LHFPL5: variants seen among roughly 807,000 people sequenced by gnomAD.
LHFPL5 encodes LHFPL tetraspan subfamily member 5.
In LHFPL5, 12 loss-of-function variants were observed where a neutral mutation model predicts 18.7. The ratio of observed to expected loss-of-function variants is 0.64; its 90% confidence interval spans 0.41 to 1.04. The LOEUF (loss-of-function observed/expected upper bound fraction) is 1.04, where lower values mean the gene tolerates loss of function less well. Among genes scored for constraint, LHFPL5 ranks in the 50% least tolerant of loss-of-function variants. The pLI is 0.00. For missense variants in LHFPL5, 259 were observed against 292.1 expected (o/e 0.89, Z 0.83); for synonymous variants, 111 against 120.2 (o/e 0.92, Z 0.50).
At chr6:35,806,701 C>G (rs954482833) in intron 1 of LHFPL5, among the ~76,000 whole-genome samples, 5 of 152,170 alleles carry the variant, frequency 3.3e-5, no homozygotes, top group Non-Finnish European at 7.3e-5. Context: ...CATCTAAATT[C>G]CCCTCTTTCA....
In LHFPL5 at chr6:35,816,362, G is replaced by A. The variant is rs372200610; in HGVS notation, c.649+1580G>A. Among the ~76,000 whole-genome samples, 396 of 127,210 alleles carry A rather than the reference G, an allele frequency of 3.1e-3. 1 individual carries two copies. The highest frequency in any genetic ancestry group is 0.01 in the African/African-American group (341 of 33,326). 83.5% of individuals were successfully genotyped at this position (127,210 alleles called of 152,430 possible). ...CTCCGTCTCAAAAAAAAAAAAAAAA[G>A]AAAAAAAAAGAAAAAGAAAACAAAT... On this transcript the variant is annotated intron_variant, in intron 2 of 3. Coordinates refer to ENST00000360215, the MANE Select transcript of LHFPL5 (RefSeq NM_182548.4).
chr6:35,808,199 C>T (rs112602906), intron 1 of LHFPL5, among the ~76,000 whole-genome samples: 3,186 of 151,734 alleles, frequency 0.021, 113 homozygotes, highest in African/African-American at 0.072. Context: ...GCCTGTAGTC[C>T]TAGCACTTTG....
rs537557450 is a variant in LHFPL5, at chr6:35,819,727, G to T, written c.*16+264G>T. ...AATTTCGCTCTTGTTGCCCAAGCTG[G>T]AGTGCAATGGTGCGATCTCGGCTCA... On this transcript the variant is annotated intron_variant, in intron 3 of 3. Coordinates refer to ENST00000360215, the MANE Select transcript of LHFPL5 (RefSeq NM_182548.4). 1.9e-5 allele frequency: 10 copies of T among 517,970 alleles called. No homozygotes were observed. In the East Asian group the frequency reaches 3.1e-4, roughly 16 times the overall value. The allele number at this position is 517,970 out of a possible 1,614,324, so 32.1% of individuals were successfully genotyped here.
At chr6:35,809,072 G>T (rs1022391556) in intron 1 of LHFPL5, among the ~76,000 whole-genome samples, 1 of 152,138 alleles carries the variant, frequency 6.6e-6, no homozygotes, top group Non-Finnish European at 1.5e-5. Flanking sequence ...GGAACAGGGA[G>T]GGGGCAGGGG....
rs950962130 is a variant in LHFPL5 at position 35,805,495 on chromosome 6, G to C, written c.-176G>C. 25 of 639,216 alleles carry C rather than the reference G, an allele frequency of 3.9e-5. No individual in the cohort carries two copies. In the African/African-American group the frequency reaches 4.5e-4, roughly 12 times the overall value. The allele number at this position is 639,216 out of a possible 1,614,324, so 39.6% of individuals were successfully genotyped here. On this transcript the variant is annotated 5_prime_UTR_variant, in exon 1 of 4. Transcript: ENST00000360215. The surrounding 1 kb of genome is among the most constrained non-coding windows in gnomAD (Gnocchi z 4.3). ...GGCAAGCTTTCCTTGACCAAATCAA[G>C]GTTGTCCTTGTCCTATTAAGCCTCT...
At position 35,805,594 on chromosome 6, in the gene LHFPL5, C is replaced by A; in HGVS notation, c.-77C>A. ...TCCCCAAACCCCGCTGGGGAGTGAC[C>A]TGCTTCTAGGCCTCCATCCACAAAG... is the stretch of plus-strand genomic sequence containing the variant. On this transcript the variant is annotated 5_prime_UTR_variant, in exon 1 of 4. The change creates a new upstream start codon in the 5' untranslated region. Transcript: ENST00000360215. The surrounding 1 kb of genome is among the most constrained non-coding windows in gnomAD (Gnocchi z 4.3). 8 of 1,532,370 alleles carry A rather than the reference C, an allele frequency of 5.2e-6. No homozygotes were observed. Among genetic ancestry groups the A allele is most frequent in the Non-Finnish European group, 7.2e-6 (8 of 1,111,912 alleles). The allele number at this position is 1,532,370 out of a possible 1,614,324, so 94.9% of individuals were successfully genotyped here. A position where few individuals can be genotyped will look rare whatever the true frequency, so the allele number is the denominator to read the frequency against.
intron 1 of LHFPL5, among the ~76,000 whole-genome samples, chr6:35,810,179 C>T (rs986857888): frequency 2.6e-5 from 4 of 152,164 alleles, no homozygotes; most frequent in African/African-American, 9.7e-5. Flanking sequence ...ATAAGGGTTC[C>T]AATCCCATTC....
Position 35,811,607 on chromosome 6 carries a change from C to T in LHFPL5, c.413-2939C>T, listed in dbSNP as rs769420947. Among the ~76,000 whole-genome samples, 22 of 152,248 alleles carry T rather than the reference C, an allele frequency of 1.4e-4. 1 individual carries two copies. Among genetic ancestry groups the T allele is most frequent in the Non-Finnish European group, 5.9e-5 (4 of 68,014 alleles). On this transcript the variant is annotated intron_variant, in intron 1 of 3. Transcript: ENST00000360215. ...AGGTCAGAGGCCCTGGGCTTTTTTC[C>T]GGAGCCCCCACAGGAAGATGGTGCA...
intron 2 of LHFPL5, among the ~76,000 whole-genome samples, chr6:35,819,052 C>T (rs868298837): frequency 2.0e-5 from 3 of 152,092 alleles, no homozygotes; most frequent in Non-Finnish European, 4.4e-5. Context: ...AGACTGGTCT[C>T]GAACTCCTGG....
At chr6:35,808,837 G>C (rs1196344335) in intron 1 of LHFPL5, among the ~76,000 whole-genome samples, 4 of 151,836 alleles carry the variant, frequency 2.6e-5, no homozygotes, top group Non-Finnish European at 5.9e-5. Context: ...GGCCATCTGA[G>C]TCAGACACTA....
chr6:35,822,691 G>A (rs1768888089), intron 3 of LHFPL5, among the ~76,000 whole-genome samples: 1 of 151,916 alleles, frequency 6.6e-6, no homozygotes, highest in Non-Finnish European at 1.5e-5. Context: ...GTATTTTTAG[G>A]AGGGACAGGA....
Position 35,823,843 on chromosome 6 carries a change from A to G in LHFPL5, c.*878A>G, listed in dbSNP as rs1768924499. 6.7e-6 allele frequency: 1 copy of G among 148,618 alleles called. No individual in the cohort carries two copies. Among genetic ancestry groups the G allele is most frequent in the South Asian group, 2.2e-4 (1 of 4,520 alleles). The allele number at this position is 148,618 out of a possible 1,614,324, so 9.2% of individuals were successfully genotyped here. Reference sequence around the variant, plus strand: ...GTTACTTATGTTCAAGTAATTTGTTATAGGAATAGATGACATTTTTTTTTT... The same window carrying G: ...GTTACTTATGTTCAAGTAATTTGTTGTAGGAATAGATGACATTTTTTTTTT... On this transcript the variant is annotated 3_prime_UTR_variant, in exon 4 of 4. Coordinates refer to ENST00000360215, the MANE Select transcript of LHFPL5 (RefSeq NM_182548.4).
At position 35,805,404 on chromosome 6, in the gene LHFPL5, C is replaced by A; in HGVS notation, c.-267C>A. The stretch of plus-strand genomic sequence containing the variant: ...AGACGGGCAGGGCGGCGCCAGCAGG[C>A]CCTGGTGGGCTTGGGAGGAGGCAGG... On this transcript the variant is annotated 5_prime_UTR_variant, in exon 1 of 4. Coordinates refer to ENST00000360215, the MANE Select transcript of LHFPL5 (RefSeq NM_182548.4). This position sits in a 1 kb window ranked among gnomAD's most constrained non-coding sequence, Gnocchi z 4.3. The A allele has an allele frequency of 2.0e-6, 1 of 491,196 alleles. No homozygotes were observed. Among genetic ancestry groups the A allele is most frequent in the Non-Finnish European group, 3.7e-6 (1 of 269,544 alleles). The allele number at this position is 491,196 out of a possible 1,614,324, so 30.4% of individuals were successfully genotyped here.
rs750114712 is a variant in LHFPL5 at position 35,814,510 on chromosome 6, G to A, written c.413-36G>A. The A allele has an allele frequency of 4.0e-5, 61 of 1,515,560 alleles. No homozygotes were observed. The East Asian group carries it at 1.1e-3, about 28-fold the overall frequency. 93.9% of individuals were successfully genotyped at this position (1,515,560 alleles called of 1,614,324 possible). ...GGGAGGTAGCGGGCTAGGCACACTC[G>A]GCCTGATGCCATGTGCACCCCTCCT... On this transcript the variant is annotated intron_variant, in intron 1 of 3. Transcript: ENST00000360215. This position sits in a 1 kb window ranked among gnomAD's most constrained non-coding sequence, Gnocchi z 4.2.
chr6:35,819,875 C>T (rs893147808), intron 3 of LHFPL5: 17 of 271,344 alleles, frequency 6.3e-5, no homozygotes, highest in Non-Finnish European at 1.1e-4. Flanking sequence ...AGCGGGGTTT[C>T]ACCGTGTTAG....
At chr6:35,810,152 C>G (rs955184833) in intron 1 of LHFPL5, among the ~76,000 whole-genome samples, 1 of 152,172 alleles carries the variant, frequency 6.6e-6, no homozygotes, top group Non-Finnish European at 1.5e-5. Context: ...CCCCCGCTCC[C>G]CTCTGGGGTC....
intron 1 of LHFPL5, among the ~76,000 whole-genome samples, chr6:35,808,023 C>A (rs570863123): frequency 3.9e-5 from 6 of 152,264 alleles, no homozygotes; most frequent in South Asian, 2.1e-4. Flanking sequence ...TGCACCCAGG[C>A]TACTCACATG....
At position 35,814,589 on chromosome 6, in the gene LHFPL5, G is replaced by C; in HGVS notation, c.456G>C (p.Trp152Cys). Residue 152 changes from tryptophan to cysteine, a missense_variant, in exon 2 of 4, where the codon TGG (tryptophan) becomes TGC (cysteine). By Grantham distance (215) the Trp-to-Cys change is radical (BLOSUM62 -2). Transcript: ENST00000360215. This position sits in a 1 kb window ranked among gnomAD's most constrained non-coding sequence, Gnocchi z 4.2. The part of the protein sequence containing the change: ...MIGCLVYPDG[W>C]DSSEVRRMCG... The stretch of plus-strand genomic sequence containing the variant: ...GCTGCCTGGTCTACCCTGATGGTTG[G>C]GACTCAAGTGAGGTGCGGCGCATGT... 6.2e-7 allele frequency: 1 copy of C among 1,614,190 alleles called. No homozygotes were observed. The highest frequency in any genetic ancestry group is 8.5e-7 in the Non-Finnish European group (1 of 1,180,026).
intron 1 of LHFPL5, among the ~76,000 whole-genome samples, chr6:35,808,183 G>A (rs1768601942): frequency 6.6e-6 from 1 of 151,880 alleles, no homozygotes; most frequent in Non-Finnish European, 1.5e-5. Context: ...AGGCACAGCG[G>A]CTCATGCCTG....
Sources: allele counts gnomAD v4.1 joint callset (sites outside exome capture counted in the v4.1 genomes callset), GRCh38; gene constraint gnomAD v4.1.1; non-coding constraint Gnocchi (gnomAD v3.1); transcripts MANE v1.5; gene names NCBI Gene and HGNC (gene_info 2026-07-23, HGNC 2026-07-21).